Variants in GLS observed in about 807,000 individuals in gnomAD.
GLS encodes the protein glutaminase.
Under a neutral mutation model 86.7 loss-of-function variants are expected in GLS, and 36 were observed. The observed-to-expected ratio is 0.42, with a 90% CI of 0.32 to 0.55. The LOEUF is 0.55. Among genes scored for constraint, GLS ranks in the 20% least tolerant of loss-of-function variants. GLS has a pLI of 0.17. For synonymous variants in GLS, 317 were observed against 305.9 expected (o/e 1.04, Z -0.38); for missense variants, 528 against 833.4 (o/e 0.63, Z 4.51).
intron 1 of GLS, among the ~76,000 whole-genome samples, chr2:190,884,996 G>A (rs1471616316): frequency 6.6e-6 from 1 of 151,964 alleles, no homozygotes. Context: ...ATGAAGTCGT[G>A]GCATTCAGAA....
chr2:190,932,743 A>G, intron 14 of GLS: 1 of 1,602,242 alleles, frequency 6.2e-7, no homozygotes, highest in South Asian at 1.1e-5. Flanking sequence ...GGACTATGAA[A>G]GTCTCCAACA....
At position 190,905,504 on chromosome 2, in the gene GLS, T is replaced by C. The variant is rs1689104512; in HGVS notation, c.979+337T>C. ...GATTATTACTATATGTTGGTAATTA[T>C]TGCAGCTAAATGATAGGTGCATGGG... On this transcript the variant is annotated intron_variant, in intron 6 of 17. Transcript: ENST00000320717. The surrounding 1 kb of genome is among the most constrained non-coding windows in gnomAD (Gnocchi z 4.6). Among the ~76,000 whole-genome samples the C allele has an allele frequency of 6.6e-6, 1 of 152,118 alleles. No individual in the cohort carries two copies. Among genetic ancestry groups the C allele is most frequent in the African/African-American group, 2.4e-5 (1 of 41,460 alleles).
Position 190,927,566 on chromosome 2 carries a change from C to T in GLS, c.1425+84C>T, listed in dbSNP as rs532752418. 5 of 942,946 alleles carry T rather than the reference C, an allele frequency of 5.3e-6. No individual in the cohort carries two copies. In the African/African-American group the frequency reaches 6.8e-5, roughly 13 times the overall value. The allele number at this position is 942,946 out of a possible 1,614,324, so 58.4% of individuals were successfully genotyped here. ...TAAAAATGCAGTTTGAACTTTGCTT[C>T]TAAAGCTGTATATTAATTTTTGAGA... On this transcript the variant is annotated intron_variant, in intron 12 of 17. Transcript: ENST00000320717.
chr2:190,886,916 CAAAA>C (rs11299475), intron 1 of GLS, among the ~76,000 whole-genome samples: 20 of 118,338 alleles, frequency 1.7e-4, no homozygotes, highest in Non-Finnish European at 1.8e-4. Context: ...ACTCTTGTCT[CAAAA>C]AAAAAAAAAA....
rs1177396906 is a variant in GLS at position 190,955,452 on chromosome 2, A to G, written c.1853+634A>G. On this transcript the variant is annotated intron_variant, in intron 17 of 17. Transcript: ENST00000320717. This position sits in a 1 kb window ranked among gnomAD's most constrained non-coding sequence, Gnocchi z 5.6. ...CTTCACCCATGTCCCTGCAAAGGAC[A>G]TGAACTCATCCTTTTTTATGATTGC... is the stretch of plus-strand genomic sequence containing the variant. Among the ~76,000 whole-genome samples, 1 of 152,262 alleles carries G rather than the reference A, an allele frequency of 6.6e-6. No individual in the cohort carries two copies. Among genetic ancestry groups the G allele is most frequent in the Non-Finnish European group, 1.5e-5 (1 of 68,046 alleles).
intron 14 of GLS, among the ~76,000 whole-genome samples, chr2:190,945,956 C>T (rs1248514747): frequency 6.6e-6 from 1 of 152,050 alleles, no homozygotes; most frequent in Non-Finnish European, 1.5e-5. Flanking sequence ...CCCAACCCTC[C>T]GAATCATATC....
chr2:190,943,090 A>G lies in GLS; in HGVS notation c.1651-10475A>G, dbSNP rs1407812631. ...AAGGGAATCTGGGAAAGTGTTTTTA[A>G]TTGGACACAATACTACCTTTAACAA... On this transcript the variant is annotated intron_variant, in intron 14 of 17. Coordinates refer to ENST00000320717, the MANE Select transcript of GLS (RefSeq NM_014905.5). This position sits in a 1 kb window ranked among gnomAD's most constrained non-coding sequence, Gnocchi z 4.5. Among the ~76,000 whole-genome samples, 1 of 152,218 alleles carries G rather than the reference A, an allele frequency of 6.6e-6. No homozygotes were observed. Among genetic ancestry groups the G allele is most frequent in the Non-Finnish European group, 1.5e-5 (1 of 68,038 alleles).
intron 12 of GLS, among the ~76,000 whole-genome samples, chr2:190,928,896 T>TG (rs896120705): frequency 1.5e-5 from 2 of 130,182 alleles, no homozygotes; most frequent in Non-Finnish European, 3.3e-5. Flanking sequence ...AGGTGTGTTT[T>TG]TTTTTTTTTT....
At chr2:190,940,593 G>C (rs560009157) in intron 14 of GLS, among the ~76,000 whole-genome samples, 1 of 152,128 alleles carries the variant, frequency 6.6e-6, no homozygotes, top group African/African-American at 2.4e-5. Context: ...TGTAATAAGT[G>C]TAAATTTGTA....
chr2:190,950,241 T>C (rs1043393756), intron 14 of GLS, among the ~76,000 whole-genome samples: 5 of 152,082 alleles, frequency 3.3e-5, no homozygotes, highest in Admixed American at 1.3e-4. Flanking sequence ...AGGAATGATA[T>C]GTGCAGTGTA....
chr2:190,881,489 C>G lies in GLS; in HGVS notation c.386+19C>G. On this transcript the variant is annotated intron_variant, in intron 1 of 17. Transcript: ENST00000320717. Reference sequence around the variant, plus strand: ...GTGAAAAGTGAGTGTCTCCGCGAGGCGCAGGAGGCCTCGTTCCTTTCGGGG... The same window carrying G: ...GTGAAAAGTGAGTGTCTCCGCGAGGGGCAGGAGGCCTCGTTCCTTTCGGGG... 1 of 1,534,834 alleles carries G rather than the reference C, an allele frequency of 6.5e-7. No individual in the cohort carries two copies. Among genetic ancestry groups the G allele is most frequent in the Non-Finnish European group, 8.8e-7 (1 of 1,139,508 alleles).
Position 190,880,906 on chromosome 2 carries a change from G to GCAGCAGCAC in GLS, c.-171_-170insCCAGCAGCA. On this transcript the variant is annotated 5_prime_UTR_variant, in exon 1 of 18. Coordinates refer to ENST00000320717, the MANE Select transcript of GLS (RefSeq NM_014905.5). Reference sequence around the variant, plus strand: ...AGCAGCAGCAGCAGCAGCAGCAGCAGCAGCAGCAGCAGCACCCGCATCCGC... The same window carrying GCAGCAGCAC: ...AGCAGCAGCAGCAGCAGCAGCAGCAGCAGCAGCACCAGCAGCAGCAGCACCCGCATCCGC... The GCAGCAGCAC allele has an allele frequency of 1.1e-6, 1 of 930,888 alleles. No homozygotes were observed. Among genetic ancestry groups the GCAGCAGCAC allele is most frequent in the South Asian group, 1.4e-5 (1 of 70,764 alleles). 57.7% of individuals were successfully genotyped at this position (930,888 alleles called of 1,614,324 possible). A position where few individuals can be genotyped will look rare whatever the true frequency, so the allele number is the denominator to read the frequency against.
At chr2:190,933,523 T>C (rs949457607) in intron 14 of GLS, 2 of 932,468 alleles carry the variant, frequency 2.1e-6, no homozygotes, top group East Asian at 2.3e-4. Flanking sequence ...GTCAGAGTTG[T>C]TATATACAGG....
Position 190,880,908 on chromosome 2 carries a change from AGC to A in GLS, c.-176_-175del. On this transcript the variant is annotated 5_prime_UTR_variant, in exon 1 of 18. Coordinates refer to ENST00000320717, the MANE Select transcript of GLS (RefSeq NM_014905.5). ...CAGCAGCAGCAGCAGCAGCAGCAGC[AGC>A]AGCAGCAGCACCCGCATCCGCTGCG... The A allele has an allele frequency of 3.6e-6, 3 of 826,908 alleles. No individual in the cohort carries two copies. Among genetic ancestry groups the A allele is most frequent in the Middle Eastern group, 3.4e-4 (1 of 2,920 alleles). The allele number at this position is 826,908 out of a possible 1,614,324, so 51.2% of individuals were successfully genotyped here.
chr2:190,916,542 G>A lies in GLS; in HGVS notation c.1039-4482G>A, dbSNP rs375713296. On this transcript the variant is annotated intron_variant, in intron 7 of 17. Coordinates refer to ENST00000320717, the MANE Select transcript of GLS (RefSeq NM_014905.5). ...ATTATTAGATCTCATCTATCCTTGG[G>A]GTACATGGAGTCGTTCCAAGAGATA... 1.3e-4 allele frequency among the ~76,000 whole-genome samples: 20 copies of A among 152,018 alleles called. 1 individual carries two copies. The East Asian group carries it at 1.5e-3, about 12-fold the overall frequency.
chr2:190,885,948 A>G lies in GLS; in HGVS notation c.386+4478A>G, dbSNP rs144626828. Among the ~76,000 whole-genome samples, 1,271 of 151,626 alleles carry G rather than the reference A, an allele frequency of 8.4e-3. 21 individuals are homozygous for G. Among genetic ancestry groups the G allele is most frequent in the East Asian group, 0.053 (276 of 5,164 alleles). ...AGTGCAGTGGTGTGATCTCAGCTCA[A>G]TGCAACCTCTGCCTCCTGGGTTCAA... On this transcript the variant is annotated intron_variant, in intron 1 of 17. Coordinates refer to ENST00000320717, the MANE Select transcript of GLS (RefSeq NM_014905.5).
intron 1 of GLS, among the ~76,000 whole-genome samples, chr2:190,888,252 T>C (rs918158594): frequency 6.6e-6 from 1 of 152,210 alleles, no homozygotes; most frequent in South Asian, 2.1e-4. Flanking sequence ...TGAAAATAGG[T>C]TATGTATGAA....
intron 1 of GLS, among the ~76,000 whole-genome samples, chr2:190,894,897 A>C (rs954512335): frequency 6.6e-6 from 1 of 152,216 alleles, no homozygotes; most frequent in Non-Finnish European, 1.5e-5. Flanking sequence ...GCATTAGCAC[A>C]ACTAGAGTTG....
intron 14 of GLS, chr2:190,933,739 G>T: frequency 1.3e-6 from 1 of 793,064 alleles, no homozygotes; most frequent in Non-Finnish European, 1.5e-6. Context: ...GGCAAATTTT[G>T]GTTTTTAGCT....
Sources: gnomAD v4.1 joint callset for allele counts (sites outside exome capture counted in the v4.1 genomes callset) on GRCh38, gnomAD v4.1.1 for gene constraint, Gnocchi (gnomAD v3.1) non-coding constraint, MANE v1.5 for transcripts, NCBI Gene and HGNC (gene_info 2026-07-23, HGNC 2026-07-21) for gene names.